Variants in TLK2 observed in about 807,000 individuals in gnomAD.
TLK2 encodes the protein tousled like kinase 2.
Under a neutral mutation model 117.3 loss-of-function variants are expected in TLK2, and 6 were observed. The observed-to-expected ratio is 0.05, with a 90% CI of 0.03 to 0.10. TLK2 has a LOEUF of 0.10. Among genes scored for constraint, TLK2 ranks in the 10% least tolerant of loss-of-function variants. The pLI is 1.00. For synonymous variants in TLK2, 257 were observed against 316.7 expected (o/e 0.81, Z 2.00); for missense variants, 299 against 901.2 (o/e 0.33, Z 8.56).
chr17:62,487,888 G>C (rs1338469514), intron 2 of TLK2, among the ~76,000 whole-genome samples: 1 of 151,232 alleles, frequency 6.6e-6, no homozygotes, highest in Admixed American at 6.6e-5. Context: ...CTCCCAAAGT[G>C]CTGGGATTAC....
intron 2 of TLK2, among the ~76,000 whole-genome samples, chr17:62,518,623 T>G (rs1335574549): frequency 2.0e-5 from 3 of 152,142 alleles, no homozygotes; most frequent in Non-Finnish European, 2.9e-5. Flanking sequence ...GAAGAATTGC[T>G]TGAATCTGGG....
chr17:62,506,534 T>A (rs1374285135), intron 2 of TLK2, among the ~76,000 whole-genome samples: 4 of 152,186 alleles, frequency 2.6e-5, no homozygotes, highest in Non-Finnish European at 5.9e-5. Context: ...TTTCCTCATA[T>A]GTGAAGTAAT....
chr17:62,477,004 C>T (rs965635693), upstream of TLK2, among the ~76,000 whole-genome samples: 10 of 151,876 alleles, frequency 6.6e-5, no homozygotes, highest in African/African-American at 2.4e-4. Flanking sequence ...GCAGGGAGAA[C>T]TGCTTGAACC....
At chr17:62,516,571 T>G (rs2075609936) in intron 2 of TLK2, 1 of 1,609,766 alleles carries the variant, frequency 6.2e-7, no homozygotes, top group Non-Finnish European at 8.5e-7. Flanking sequence ...CCAGTAGAAA[T>G]GTCTCCAGGC....
chr17:62,512,600 G>GT (rs753829250), intron 2 of TLK2, among the ~76,000 whole-genome samples: 41 of 151,938 alleles, frequency 2.7e-4, no homozygotes, highest in African/African-American at 9.6e-4. Flanking sequence ...AAGTTCCTTG[G>GT]TAGATGTGTG....
intron 7 of TLK2, among the ~76,000 whole-genome samples, chr17:62,547,367 T>G (rs1202237151): frequency 6.6e-6 from 1 of 151,574 alleles, no homozygotes; most frequent in Non-Finnish European, 1.5e-5. Context: ...GGTAACATAG[T>G]CTCTTTGTTT....
At chr17:62,510,891 A>G (rs893585901) in intron 2 of TLK2, among the ~76,000 whole-genome samples, 1 of 152,212 alleles carries the variant, frequency 6.6e-6, no homozygotes, top group African/African-American at 2.4e-5. Context: ...AGCAAATGCT[A>G]CCTAAGTGTT....
At chr17:62,559,623 C>T (rs986678403) in intron 9 of TLK2, among the ~76,000 whole-genome samples, 14 of 152,174 alleles carry the variant, frequency 9.2e-5, no homozygotes, top group African/African-American at 3.1e-4. Context: ...AGTCATCTGC[C>T]TGCCTCGGCC....
At chr17:62,523,733 G>A (rs1363390188) in intron 5 of TLK2, among the ~76,000 whole-genome samples, 1 of 152,084 alleles carries the variant, frequency 6.6e-6, no homozygotes, top group African/African-American at 2.4e-5. Context: ...TGTCTGTGAT[G>A]ATATAAGAAT....
chr17:62,482,339 T>C (rs2071762128), intron 2 of TLK2, among the ~76,000 whole-genome samples: 1 of 112,712 alleles, frequency 8.9e-6, no homozygotes, highest in African/African-American at 3.4e-5. Context: ...GTTGATCTCG[T>C]GCTTTAGTTA....
intron 19 of TLK2, among the ~76,000 whole-genome samples, chr17:62,605,339 T>C (rs767544243): frequency 6.6e-6 from 1 of 152,132 alleles, no homozygotes; most frequent in Non-Finnish European, 1.5e-5. Flanking sequence ...GAGAACTATT[T>C]TGATGCCCTA....
chr17:62,549,316 G>A (rs2078202241), intron 7 of TLK2, among the ~76,000 whole-genome samples: 1 of 138,896 alleles, frequency 7.2e-6, no homozygotes, highest in South Asian at 2.4e-4. Flanking sequence ...GGAGAACGGC[G>A]TGAACCTGGG....
chr17:62,502,886 T>TTAATTTG (rs1276965204), intron 2 of TLK2, among the ~76,000 whole-genome samples: 1 of 152,148 alleles, frequency 6.6e-6, no homozygotes, highest in Non-Finnish European at 1.5e-5. Context: ...TTAAAGAACA[T>TTAATTTG]TAATTTGTTC....
At chr17:62,571,680 A>G (rs2080303516) in intron 11 of TLK2, among the ~76,000 whole-genome samples, 1 of 152,200 alleles carries the variant, frequency 6.6e-6, no homozygotes, top group South Asian at 2.1e-4. Context: ...TACTCTGATT[A>G]GGTTAATTTT....
At position 62,576,764 on chromosome 17, in the gene TLK2, C is replaced by T; in HGVS notation, c.1177C>T (p.His393Tyr). ...QEEIFKLRLG[H>Y]LKKEEAEIQA... ...AGAAATCTTCAAACTCAGATTAGGTCATCTTAAAAAGGTAAGTATAATGAG... is the reference window on the plus strand; with the variant it reads ...AGAAATCTTCAAACTCAGATTAGGTTATCTTAAAAAGGTAAGTATAATGAG... Residue 393 changes from histidine to tyrosine, a missense_variant, in exon 13 of 22, where the codon CAT becomes TAT. Around this residue, in one of 4 missense-constraint regions of TLK2, gnomAD observed 94 missense variants for 282.6 expected, o/e 0.33. Transcript: ENST00000346027. The T allele has an allele frequency of 6.2e-7, 1 of 1,611,712 alleles. No individual in the cohort carries two copies. Among genetic ancestry groups the T allele is most frequent in the Non-Finnish European group, 8.5e-7 (1 of 1,178,142 alleles).
rs528897933 is a variant in TLK2 at position 62,514,099 on chromosome 17, C to T, written c.82-6674C>T. On this transcript the variant is annotated intron_variant, in intron 2 of 21. Transcript: ENST00000346027. Reference sequence around the variant, plus strand: ...AGGATTGTGTTTAAAAAAAGTGCTACGTGTTAGTTATTATTGTTATTACTT... The same window carrying T: ...AGGATTGTGTTTAAAAAAAGTGCTATGTGTTAGTTATTATTGTTATTACTT... 1.3e-3 allele frequency among the ~76,000 whole-genome samples: 198 copies of T among 152,004 alleles called. 1 individual carries two copies. The highest frequency in any genetic ancestry group is 4.5e-3 in the African/African-American group (187 of 41,452).
intron 1 of TLK2, among the ~76,000 whole-genome samples, chr17:62,471,987 G>A (rs190902011): frequency 1.4e-3 from 177 of 129,484 alleles, no homozygotes; most frequent in African/African-American, 4.9e-3. Context: ...CTCACTGCAA[G>A]TTCTGCCTCC....
intron 9 of TLK2, among the ~76,000 whole-genome samples, chr17:62,556,116 C>T (rs905342408): frequency 2.0e-4 from 30 of 152,126 alleles, no homozygotes; most frequent in African/African-American, 7.2e-4. Context: ...GTTTTTGCCA[C>T]ATTGGCCACA....
chr17:62,472,580 T>TA (rs1218436294), intron 1 of TLK2, among the ~76,000 whole-genome samples: 2 of 151,468 alleles, frequency 1.3e-5, no homozygotes, highest in African/African-American at 4.9e-5. Flanking sequence ...CTACTAAAAA[T>TA]AAAAAAAATT....
Sources: allele counts gnomAD v4.1 joint callset (sites outside exome capture counted in the v4.1 genomes callset), GRCh38; gene constraint gnomAD v4.1.1; regional missense constraint gnomAD v4.1.1; transcripts MANE v1.5; gene names NCBI Gene and HGNC (gene_info 2026-07-23, HGNC 2026-07-21).